The following EVI5 variants were observed in gnomAD, a reference collection of about 807,000 sequenced individuals.
EVI5 encodes ecotropic viral integration site 5 protein homolog.
Under a neutral mutation model 112.0 loss-of-function variants are expected in EVI5, and 73 were observed. The observed-to-expected ratio is 0.65, with a 90% confidence interval of 0.54 to 0.79. EVI5 has a LOEUF of 0.79. EVI5 is among the 30% of genes least tolerant of loss of function. The probability of loss-of-function intolerance (pLI) is 0.00; values close to 1 mark genes in which losing one functional copy is unlikely to be tolerated. For synonymous variants in EVI5, 305 were observed against 319.9 expected (o/e 0.95, Z 0.50); for missense variants, 900 against 968.8 (o/e 0.93, Z 0.94).
chr1:92,563,582 G>A, intron 19 of EVI5, 60 bp downstream of exon 19: 1 of 793,862 alleles, frequency 1.3e-6, no homozygotes, highest in South Asian at 1.7e-5. Context: ...GTAATAAAGT[G>A]TTGTTACAAT....
At chr1:92,736,102 C>T (rs1225067621) in intron 2 of EVI5, among the ~76,000 whole-genome samples, 1 of 151,558 alleles carries the variant, frequency 6.6e-6, no homozygotes, top group African/African-American at 2.4e-5. Context: ...GGAGACTGTT[C>T]AGAGAGTTTA....
Position 92,660,719 on chromosome 1 carries a change from A to C in EVI5, c.1392+2000T>G, listed in dbSNP as rs547968879. The stretch of plus-strand genomic sequence containing the variant: ...ATGCTAAGTGAAAGAAGCCAGACAT[A>C]AAAGTCACATACCTTACAATTCTAT... On this transcript the variant is annotated intron_variant, in intron 13 of 19. Transcript: ENST00000684568. 3.9e-5 allele frequency among the ~76,000 whole-genome samples: 6 copies of C among 152,172 alleles called. No individual in the cohort carries two copies. In the South Asian group the frequency reaches 1.2e-3, roughly 32 times the overall value.
chr1:92,762,041 G>A (rs1472391886), intron 1 of EVI5, among the ~76,000 whole-genome samples: 1 of 152,098 alleles, frequency 6.6e-6, no homozygotes, highest in African/African-American at 2.4e-5. Flanking sequence ...ACAACTATCA[G>A]AGAGAGATGG....
At chr1:92,598,213 G>A (rs1353791843) in intron 18 of EVI5, among the ~76,000 whole-genome samples, 1 of 152,082 alleles carries the variant, frequency 6.6e-6, no homozygotes, top group Non-Finnish European at 1.5e-5. Flanking sequence ...GCTCTAGTGG[G>A]GAATGTGGAA....
chr1:92,544,788 C>T (rs1169223160), intron 19 of EVI5, among the ~76,000 whole-genome samples: 1 of 152,172 alleles, frequency 6.6e-6, no homozygotes, highest in Non-Finnish European at 1.5e-5. Flanking sequence ...GTTAGTATCC[C>T]TCTCTTCCTC....
chr1:92,636,343 G>T lies in EVI5; in HGVS notation c.1393-7C>A. ...AGTTGGAACTGCATTTATGCTAAAG[G>T]TTACAGACATACACTGAAATTTCAT... On this transcript the variant is annotated splice_polypyrimidine_tract_variant and splice_region_variant and intron_variant, in intron 13 of 19. Coordinates refer to ENST00000684568, the MANE Select transcript of EVI5 (RefSeq NM_001350197.2). 6.2e-7 allele frequency: 1 copy of T among 1,610,992 alleles called. No homozygotes were observed. The highest frequency in any genetic ancestry group is 1.1e-5 in the South Asian group (1 of 90,680).
intron 13 of EVI5, among the ~76,000 whole-genome samples, chr1:92,644,367 G>GT (rs1660548483): frequency 6.6e-6 from 1 of 152,212 alleles, no homozygotes; most frequent in Non-Finnish European, 1.5e-5. Context: ...GGCCACACCT[G>GT]TAAAAAGTTA....
intron 17 of EVI5, among the ~76,000 whole-genome samples, chr1:92,606,635 G>A (rs1217594256): frequency 6.6e-6 from 1 of 152,074 alleles, no homozygotes. Context: ...GGATTTCAGT[G>A]ACACTGATAA....
intron 10 of EVI5, among the ~76,000 whole-genome samples, chr1:92,667,967 G>C (rs1665218718): frequency 6.6e-6 from 1 of 151,922 alleles, no homozygotes; most frequent in Non-Finnish European, 1.5e-5. Flanking sequence ...CTCAATCAAG[G>C]GCCTTCTTCC....
chr1:92,672,165 C>T (rs1201430003), intron 10 of EVI5, among the ~76,000 whole-genome samples: 1 of 152,156 alleles, frequency 6.6e-6, no homozygotes, highest in Non-Finnish European at 1.5e-5. Flanking sequence ...ATCAGAAATG[C>T]TCTCAATCCC....
intron 1 of EVI5, among the ~76,000 whole-genome samples, chr1:92,747,376 C>T (rs1038809107): frequency 6.6e-6 from 1 of 152,066 alleles, no homozygotes; most frequent in African/African-American, 2.4e-5. Context: ...ATCTTAGTTT[C>T]CTAGTACTGC....
chr1:92,535,774 G>A (rs1663781821), intron 19 of EVI5, among the ~76,000 whole-genome samples: 1 of 152,156 alleles, frequency 6.6e-6, no homozygotes, highest in Non-Finnish European at 1.5e-5. Context: ...TGGGGGGCTA[G>A]GGGAGGGATA....
chr1:92,624,689 C>CAAAAAAAAAA (rs141559165), intron 15 of EVI5, among the ~76,000 whole-genome samples: 4 of 51,760 alleles, frequency 7.7e-5, no homozygotes, highest in Non-Finnish European at 1.3e-4. Context: ...GTCTCTACTT[C>CAAAAAAAAAA]AAAAAAAAAA....
chr1:92,633,097 C>T (rs536808413), intron 14 of EVI5, among the ~76,000 whole-genome samples: 15 of 152,238 alleles, frequency 9.9e-5, no homozygotes, highest in East Asian at 5.8e-4. Context: ...CTTCCAACTA[C>T]GTGGTCAATT....
At chr1:92,608,707 A>G (rs957750578) in intron 16 of EVI5, among the ~76,000 whole-genome samples, 8 of 38,306 alleles carry the variant, frequency 2.1e-4, no homozygotes, top group African/African-American at 7.9e-4. Context: ...GTCTCAGAGA[A>G]AAAAAAAGGA....
intron 11 of EVI5, among the ~76,000 whole-genome samples, chr1:92,663,971 C>T (rs1288932557): frequency 2.6e-5 from 4 of 152,234 alleles, no homozygotes; most frequent in Non-Finnish European, 5.9e-5. Flanking sequence ...CAATCTTGAA[C>T]TCCTGGCCTT....
chr1:92,724,639 C>G (rs1422618841), intron 2 of EVI5, among the ~76,000 whole-genome samples: 2 of 151,936 alleles, frequency 1.3e-5, no homozygotes, highest in South Asian at 2.1e-4. Flanking sequence ...GAAACCCCAT[C>G]TCTATAAAAA....
chr1:92,790,260 G>A (rs1222310445), intron 1 of EVI5, among the ~76,000 whole-genome samples: 1 of 151,446 alleles, frequency 6.6e-6, no homozygotes, highest in Admixed American at 6.6e-5. Flanking sequence ...AGTGAGTTAA[G>A]ATCACACCCC....
At chr1:92,547,645 T>TA (rs1373118732) in intron 19 of EVI5, among the ~76,000 whole-genome samples, 2 of 151,836 alleles carry the variant, frequency 1.3e-5, no homozygotes, top group Non-Finnish European at 2.9e-5. Flanking sequence ...ATAGACACAA[T>TA]AAAAAATGAT....
Sources: allele counts gnomAD v4.1 joint callset (sites outside exome capture counted in the v4.1 genomes callset), GRCh38; gene constraint gnomAD v4.1.1; transcripts MANE v1.5; gene names NCBI Gene and HGNC (gene_info 2026-07-23, HGNC 2026-07-21).